MSRB3: variants seen among roughly 807,000 people sequenced by gnomAD.
The protein encoded by MSRB3 is methionine sulfoxide reductase B3.
A neutral mutation model predicts 21.0 loss-of-function variants in MSRB3; 13 were observed. That is an observed-to-expected ratio of 0.62 (90% CI 0.40 to 0.98). MSRB3 has a LOEUF of 0.98. Ranked by LOEUF, MSRB3 falls within the 50% of genes least tolerant of loss-of-function variation. The pLI is 0.00. For missense variants in MSRB3, 199 were observed against 230.3 expected, an observed-to-expected ratio of 0.86 and a Z score of 0.88; for synonymous variants, 87 against 88.6, an observed-to-expected ratio of 0.98 and a Z score of 0.10.
chr12:65,338,891 A>G (rs1466303067), intron 4 of MSRB3, among the ~76,000 whole-genome samples: 1 of 152,070 alleles, frequency 6.6e-6, no homozygotes. Context: ...CCTAGGCAAC[A>G]TGGTGAAACC....
intron 5 of MSRB3, among the ~76,000 whole-genome samples, chr12:65,397,071 G>A (rs1879858799): frequency 6.6e-6 from 1 of 152,112 alleles, no homozygotes; most frequent in Non-Finnish European, 1.5e-5. Flanking sequence ...ATTAAGGATT[G>A]TTATGTCCTC....
At chr12:65,362,753 G>T (rs1300509720) in intron 4 of MSRB3, among the ~76,000 whole-genome samples, 1 of 152,140 alleles carries the variant, frequency 6.6e-6, no homozygotes, top group African/African-American at 2.4e-5. Context: ...AGGCAAAGGG[G>T]TTAAGGTATA....
chr12:65,434,156 T>G (rs550821622), intron 5 of MSRB3, among the ~76,000 whole-genome samples: 5 of 151,974 alleles, frequency 3.3e-5, no homozygotes, highest in African/African-American at 1.2e-4. Flanking sequence ...TCTTACTGTC[T>G]GCTTTGTATC....
chr12:65,339,357 T>G (rs1240325038), intron 4 of MSRB3, among the ~76,000 whole-genome samples: 1 of 152,230 alleles, frequency 6.6e-6, no homozygotes, highest in African/African-American at 2.4e-5. Flanking sequence ...GGGGCAAAAT[T>G]GTCTCTTGTT....
intron 5 of MSRB3, among the ~76,000 whole-genome samples, chr12:65,443,708 A>T (rs1324018548): frequency 6.6e-6 from 1 of 152,078 alleles, no homozygotes; most frequent in Non-Finnish European, 1.5e-5. Context: ...TGAAATACAC[A>T]TAAGAAAATT....
At chr12:65,421,988 C>G (rs1029021475) in intron 5 of MSRB3, among the ~76,000 whole-genome samples, 2 of 152,100 alleles carry the variant, frequency 1.3e-5, no homozygotes, top group African/African-American at 4.8e-5. Flanking sequence ...AGAGACCCAT[C>G]TAACATGCAA....
At chr12:65,374,798 G>T (rs998348615) in intron 5 of MSRB3, among the ~76,000 whole-genome samples, 4 of 152,100 alleles carry the variant, frequency 2.6e-5, no homozygotes, top group African/African-American at 9.7e-5. Context: ...TCTTTTACAG[G>T]ATCCTATTCA....
At chr12:65,306,447 A>G (rs1444181810) in intron 1 of MSRB3, among the ~76,000 whole-genome samples, 1 of 152,212 alleles carries the variant, frequency 6.6e-6, no homozygotes, top group Non-Finnish European at 1.5e-5. Flanking sequence ...GAGTAATGCT[A>G]CTTTGCATGC....
intron 4 of MSRB3, among the ~76,000 whole-genome samples, chr12:65,356,090 A>G (rs1877365126): frequency 6.6e-6 from 1 of 151,742 alleles, no homozygotes; most frequent in Admixed American, 6.6e-5. Flanking sequence ...GATATTGAAT[A>G]TTTGTCTTTC....
At chr12:65,405,162 G>A (rs1048056764) in intron 5 of MSRB3, among the ~76,000 whole-genome samples, 7 of 151,938 alleles carry the variant, frequency 4.6e-5, no homozygotes, top group African/African-American at 1.7e-4. Flanking sequence ...ATGTTGACCA[G>A]GCTAGTCTTG....
intron 6 of MSRB3, among the ~76,000 whole-genome samples, chr12:65,461,234 A>G (rs1435805963): frequency 2.0e-5 from 3 of 152,170 alleles, no homozygotes; most frequent in African/African-American, 7.2e-5. Flanking sequence ...CTATTTTGGT[A>G]GGCAGAAATG....
chr12:65,411,727 T>A (rs912460454), intron 5 of MSRB3, among the ~76,000 whole-genome samples: 2 of 149,614 alleles, frequency 1.3e-5, no homozygotes, highest in African/African-American at 2.4e-5. Context: ...AAGCTAGATT[T>A]ATAATATATA....
intron 5 of MSRB3, among the ~76,000 whole-genome samples, chr12:65,378,281 T>C (rs549415206): frequency 1.3e-5 from 2 of 152,226 alleles, no homozygotes; most frequent in South Asian, 4.1e-4. Context: ...AAAAATAGAA[T>C]ACTATGTTCT....
At chr12:65,378,838 T>C (rs755940607) in intron 5 of MSRB3, among the ~76,000 whole-genome samples, 2 of 152,232 alleles carry the variant, frequency 1.3e-5, no homozygotes, top group Non-Finnish European at 2.9e-5. Context: ...TACATCTGCA[T>C]GATCAGTGTC....
intron 5 of MSRB3, among the ~76,000 whole-genome samples, chr12:65,398,020 T>C (rs1879909875): frequency 6.6e-6 from 1 of 152,222 alleles, no homozygotes; most frequent in Non-Finnish European, 1.5e-5. Context: ...GATGGGCATT[T>C]GGGTTGGTTC....
At chr12:65,325,944 T>G (rs369391806) in intron 2 of MSRB3, among the ~76,000 whole-genome samples, 46 of 152,240 alleles carry the variant, frequency 3.0e-4, no homozygotes, top group African/African-American at 9.9e-4. Flanking sequence ...CTGTATAGGT[T>G]GAAATAAAAG....
Position 65,349,823 on chromosome 12 carries a change from A to G in MSRB3, c.264-19175A>G, listed in dbSNP as rs1322358971. ...TCTGGATATTAGCCCTTTGTCAGATAAGTAGGTTGCAAAAATTTTCTCCCG... is the reference window on the plus strand; with the variant it reads ...TCTGGATATTAGCCCTTTGTCAGATGAGTAGGTTGCAAAAATTTTCTCCCG... On this transcript the variant is annotated intron_variant, in intron 4 of 6. Coordinates refer to ENST00000308259, the MANE Select transcript of MSRB3 (RefSeq NM_001031679.3). 7.9e-5 allele frequency among the ~76,000 whole-genome samples: 12 copies of G among 151,648 alleles called. No homozygotes were observed. The South Asian group carries it at 1.0e-3, about 13-fold the overall frequency.
At chr12:65,366,945 G>A (rs1396368794) in intron 4 of MSRB3, among the ~76,000 whole-genome samples, 1 of 152,128 alleles carries the variant, frequency 6.6e-6, no homozygotes, top group Non-Finnish European at 1.5e-5. Flanking sequence ...CTGAACTCTG[G>A]TGCTCACCAA....
intron 5 of MSRB3, among the ~76,000 whole-genome samples, chr12:65,380,344 G>A (rs1445989362): frequency 6.6e-6 from 1 of 152,134 alleles, no homozygotes; most frequent in Non-Finnish European, 1.5e-5. Flanking sequence ...GCTTGGCCAA[G>A]GCAGTTGGAT....
Sources: allele counts gnomAD v4.1 joint callset (sites outside exome capture counted in the v4.1 genomes callset), GRCh38; gene constraint gnomAD v4.1.1; transcripts MANE v1.5; gene names NCBI Gene and HGNC (gene_info 2026-07-23, HGNC 2026-07-21).